The following LY75 variants were observed in gnomAD, a reference collection of about 807,000 sequenced individuals.
LY75 encodes the protein lymphocyte antigen 75.
LY75 carries 185 observed loss-of-function variants against 231.7 expected under a neutral mutation model. The ratio of observed to expected loss-of-function variants is 0.80; its 90% CI spans 0.71 to 0.90. The LOEUF (loss-of-function observed/expected upper bound fraction) is 0.90. Ranked by LOEUF, LY75 falls within the 40% of genes least tolerant of loss-of-function variation. LY75 has a pLI of 0.00. For missense variants in LY75, 1,947 were observed against 2,050.2 expected (o/e 0.95, Z 0.97); for synonymous variants, 668 against 689.0 (o/e 0.97, Z 0.48).
At position 159,875,588 on chromosome 2, in the gene LY75, C is replaced by T; in HGVS notation, c.1830G>A (p.Glu610=). The T allele has an allele frequency of 6.2e-7, 1 of 1,614,016 alleles. No individual in the cohort carries two copies. The highest frequency in any genetic ancestry group is 1.3e-5 in the African/African-American group (1 of 75,030). ...CTTTGAAGCTTCTGCAGTCCTTCAC[C>T]TCCCACTTTCCAACAGACTTTCCAG... is the stretch of plus-strand genomic sequence containing the variant. ...MSTGKSVGKW[E]VKDCRSFKAL... The change falls in exon 12 of 35, where the codon GAG becomes GAA. Residue 610 remains glutamate, a synonymous_variant. Coordinates refer to ENST00000263636, the MANE Select transcript of LY75 (RefSeq NM_002349.4).
At position 159,814,997 on chromosome 2, in the gene LY75, C is replaced by CTT. The variant is rs3035627; in HGVS notation, c.4549+406_4549+407dup. On this transcript the variant is annotated intron_variant, in intron 31 of 34. Transcript: ENST00000263636. ...TCACAAAAATTATTTGTGAATACAT[C>CTT]TTTTTTTTTTTTTTTTTTTTTGAGA... 3.5e-3 allele frequency among the ~76,000 whole-genome samples: 386 copies of CTT among 111,410 alleles called. 8 individuals carry two copies. Among genetic ancestry groups the CTT allele is most frequent in the African/African-American group, 0.01 (317 of 30,268 alleles). The allele number at this position is 111,410 out of a possible 152,430, so 73.1% of individuals were successfully genotyped here. A position where few individuals can be genotyped will look rare whatever the true frequency, so the allele number is the denominator to read the frequency against.
chr2:159,869,789 TA>T (rs1272597655), intron 13 of LY75, among the ~76,000 whole-genome samples: 2 of 152,242 alleles, frequency 1.3e-5, no homozygotes, highest in Non-Finnish European at 2.9e-5. Context: ...ACACGTTGTA[TA>T]AAATGTTTTG....
intron 28 of LY75, among the ~76,000 whole-genome samples, chr2:159,823,768 A>G (rs1683374232): frequency 1.3e-5 from 2 of 152,244 alleles, no homozygotes; most frequent in Admixed American, 1.3e-4. Context: ...AAACTTTACA[A>G]GCCAGAAGAG....
intron 13 of LY75, 104 bp from the exon 14 acceptor site, chr2:159,865,024 C>A: frequency 9.7e-7 from 1 of 1,032,328 alleles, no homozygotes; most frequent in South Asian, 2.5e-5. Context: ...CAGTTTCAAG[C>A]AACATAAAGA....
rs1184025210 is a variant in LY75 at position 159,879,395 on chromosome 2, C to T, written c.1405-26G>A. ...CTTTGAAAGGAGACAAAAACATTTG[C>T]TTGGAAAGGAAATTATTTACCGCAT... On this transcript the variant is annotated intron_variant, in intron 8 of 34. Coordinates refer to ENST00000263636, the MANE Select transcript of LY75 (RefSeq NM_002349.4). The T allele has an allele frequency of 2.5e-6, 4 of 1,611,064 alleles. No homozygotes were observed. In the East Asian group the frequency reaches 6.7e-5, roughly 27 times the overall value.
Position 159,893,854 on chromosome 2 carries a change from C to T in LY75, c.637+60G>A. 8.5e-6 allele frequency: 13 copies of T among 1,524,046 alleles called. No individual in the cohort carries two copies. In the South Asian group the frequency reaches 1.1e-4, roughly 12 times the overall value. 94.4% of individuals were successfully genotyped at this position (1,524,046 alleles called of 1,614,324 possible). On this transcript the variant is annotated intron_variant, in intron 3 of 34. Transcript: ENST00000263636. ...TGAGTCACTTTGAACTCTTCCTTCT[C>T]CCTATTGCCTCATATAAATGTACTA...
rs557031462 is a variant in LY75, at chr2:159,864,834, C to T, written c.2199+5G>A. 5 of 1,577,916 alleles carry T rather than the reference C, an allele frequency of 3.2e-6. No individual in the cohort carries two copies. The highest frequency in any genetic ancestry group is 1.2e-5 in the South Asian group (1 of 82,826). On this transcript the variant is annotated splice_donor_5th_base_variant and intron_variant, in intron 14 of 34. Transcript: ENST00000263636. Reference sequence around the variant, plus strand: ...ACTACCTAAAACAATAACGTTTTAACTTACTGGTGTACGATCACTCCATTG... The same window carrying T: ...ACTACCTAAAACAATAACGTTTTAATTTACTGGTGTACGATCACTCCATTG...
chr2:159,807,018 C>T lies in LY75; in HGVS notation c.4945G>A (p.Glu1649Lys). ...IASNETWKKV[E>K]CEHGFGRVVC... Reference sequence around the variant, plus strand: ...ACTCTTCCAAAACCATGTTCACATTCAACTTTTTTCCAAGTTTCATTTGAA... The same window carrying T: ...ACTCTTCCAAAACCATGTTCACATTTAACTTTTTTCCAAGTTTCATTTGAA... Residue 1649 changes from glutamate to lysine, a missense_variant, in exon 34 of 35, where the codon GAA becomes AAA. Glu to Lys is a moderately conservative substitution (Grantham distance 56). Transcript: ENST00000263636. 6.2e-7 allele frequency: 1 copy of T among 1,613,910 alleles called. No individual in the cohort carries two copies. Among genetic ancestry groups the T allele is most frequent in the Non-Finnish European group, 8.5e-7 (1 of 1,179,878 alleles).
intron 11 of LY75, among the ~76,000 whole-genome samples, chr2:159,878,013 G>T (rs759686787): frequency 6.6e-5 from 10 of 152,164 alleles, no homozygotes; most frequent in African/African-American, 4.8e-5. Flanking sequence ...AGCCTCACAC[G>T]GGAGCTTCTA....
intron 2 of LY75, among the ~76,000 whole-genome samples, chr2:159,896,419 T>C (rs1275033994): frequency 3.3e-5 from 5 of 152,232 alleles, no homozygotes; most frequent in Admixed American, 6.5e-5. Flanking sequence ...ACTTGGTTTA[T>C]ACTGCTAAAG....
At chr2:159,867,256 A>G (rs982653509) in intron 13 of LY75, among the ~76,000 whole-genome samples, 1 of 152,212 alleles carries the variant, frequency 6.6e-6, no homozygotes, top group African/African-American at 2.4e-5. Flanking sequence ...AGAAAATAAT[A>G]GCGACATGTA....
chr2:159,872,384 C>T, intron 13 of LY75, 67 bp downstream of exon 13: 1 of 1,561,132 alleles, frequency 6.4e-7, no homozygotes, highest in Non-Finnish European at 8.7e-7. Flanking sequence ...AGGGTAAGAA[C>T]ATGTCAATTT....
chr2:159,843,026 T>C (rs1684089631), intron 23 of LY75, among the ~76,000 whole-genome samples: 1 of 151,710 alleles, frequency 6.6e-6, no homozygotes, highest in Non-Finnish European at 1.5e-5. Flanking sequence ...AAGAATAAAA[T>C]GAGAAATGTC....
At chr2:159,874,673 G>A (rs1685179866) in intron 12 of LY75, among the ~76,000 whole-genome samples, 1 of 43,820 alleles carries the variant, frequency 2.3e-5, no homozygotes, top group East Asian at 6.8e-4. Flanking sequence ...TATATATTTT[G>A]TAAATATATG....
In LY75 at chr2:159,834,174, A is replaced by G. The variant is rs1380622771; in HGVS notation, c.3711T>C (p.Val1237=). 6 of 1,613,946 alleles carry G rather than the reference A, an allele frequency of 3.7e-6. No individual in the cohort carries two copies. Among genetic ancestry groups the G allele is most frequent in the Non-Finnish European group, 5.1e-6 (6 of 1,179,938 alleles). ...TEKEVKPVDS[V]KCPSPVLNTP... ...TATTTAGAACAGGAGATGGACATTT[A>G]ACACTGTCAACTGGTTTGACCTCTT... The change falls in exon 27 of 35, where the codon GTT becomes GTC. Residue 1237 remains valine (V), a synonymous_variant. Transcript: ENST00000263636.
At chr2:159,874,702 AAATATAT>A in intron 12 of LY75, among the ~76,000 whole-genome samples, 1 of 54,574 alleles carries the variant, frequency 1.8e-5, no homozygotes, top group Non-Finnish European at 3.4e-5. Context: ...TATATTTTGT[AAATATAT>A]GTAAATATAT....
At chr2:159,862,953 C>G (rs1372840753) in intron 14 of LY75, among the ~76,000 whole-genome samples, 2 of 151,864 alleles carry the variant, frequency 1.3e-5, no homozygotes, top group African/African-American at 4.8e-5. Flanking sequence ...CTCCCCAGTC[C>G]CCCACCTCAT....
chr2:159,902,744 T>C (rs762547812), intron 1 of LY75: 2 of 152,250 alleles, frequency 1.3e-5, no homozygotes, highest in Non-Finnish European at 2.9e-5. Flanking sequence ...GTTGAGTCCA[T>C]GGCAATGTCC....
chr2:159,897,420 A>C (rs1289379922), intron 2 of LY75, among the ~76,000 whole-genome samples: 1 of 152,204 alleles, frequency 6.6e-6, no homozygotes, highest in Non-Finnish European at 1.5e-5. Context: ...TTAGGAGGAA[A>C]CTGGCTCGCA....
Sources: allele counts gnomAD v4.1 joint callset (sites outside exome capture counted in the v4.1 genomes callset), GRCh38; gene constraint gnomAD v4.1.1; transcripts MANE v1.5; gene names NCBI Gene and HGNC (gene_info 2026-07-23, HGNC 2026-07-21).